Variants in ARHGAP42 observed in about 807,000 individuals in gnomAD.
ARHGAP42 encodes the protein rho GTPase-activating protein 42.
ARHGAP42 carries 63 observed loss-of-function variants against 125.0 expected under a neutral mutation model. The observed-to-expected ratio is 0.50, with a 90% confidence interval of 0.41 to 0.62. The LOEUF is 0.62. Among genes scored for constraint, ARHGAP42 ranks in the 20% least tolerant of loss-of-function variants. ARHGAP42 has a pLI of 0.00. For synonymous variants in ARHGAP42, 339 were observed against 351.0 expected (o/e 0.97, Z 0.38); for missense variants, 766 against 1,024.2 (o/e 0.75, Z 3.44).
chr11:100,786,093 T>C (rs1377459773), intron 2 of ARHGAP42, among the ~76,000 whole-genome samples: 1 of 152,194 alleles, frequency 6.6e-6, no homozygotes, highest in Non-Finnish European at 1.5e-5. Context: ...GTAATGTCAC[T>C]GCCTCTTGGT....
At chr11:100,933,365 C>G (rs1272521771) in intron 7 of ARHGAP42, 105 bp downstream of exon 7, 1 of 691,548 alleles carries the variant, frequency 1.4e-6, no homozygotes, top group African/African-American at 1.9e-5. Context: ...AAATACAACC[C>G]ACAAAACCCT....
intron 4 of ARHGAP42, among the ~76,000 whole-genome samples, chr11:100,889,004 T>C (rs1866158492): frequency 6.6e-6 from 1 of 152,230 alleles, no homozygotes; most frequent in African/African-American, 2.4e-5. Context: ...TATTGTACTC[T>C]GTACTTCACA....
At chr11:100,876,647 A>G (rs187707586) in intron 4 of ARHGAP42, among the ~76,000 whole-genome samples, 6 of 152,348 alleles carry the variant, frequency 3.9e-5, no homozygotes, top group Middle Eastern at 3.4e-3. Flanking sequence ...GTTAGCCAAC[A>G]TTATTGAAAT....
At chr11:100,792,462 A>AT (rs1863588330) in intron 2 of ARHGAP42, among the ~76,000 whole-genome samples, 1 of 151,954 alleles carries the variant, frequency 6.6e-6, no homozygotes. Context: ...ATTTCTTGTA[A>AT]TTTTTTCAAG....
chr11:100,807,238 C>T (rs1313886185), intron 3 of ARHGAP42, among the ~76,000 whole-genome samples: 1 of 151,812 alleles, frequency 6.6e-6, no homozygotes, highest in East Asian at 1.9e-4. Context: ...TCTTGTTGCC[C>T]AGGCTGGAGT....
intron 3 of ARHGAP42, among the ~76,000 whole-genome samples, chr11:100,804,490 A>G (rs1450680116): frequency 6.6e-6 from 1 of 151,936 alleles, no homozygotes; most frequent in Non-Finnish European, 1.5e-5. Context: ...TAAAGTTAAT[A>G]AAGATTAATG....
At chr11:100,973,760 A>G (rs1463301263) in intron 18 of ARHGAP42, among the ~76,000 whole-genome samples, 1 of 152,194 alleles carries the variant, frequency 6.6e-6, no homozygotes, top group Non-Finnish European at 1.5e-5. Flanking sequence ...TTCTTGAAAA[A>G]AGTGAGATCT....
At position 100,729,962 on chromosome 11, in the gene ARHGAP42, C is replaced by G. The variant is rs1009344274; in HGVS notation, c.155-40381C>G. On this transcript the variant is annotated intron_variant, in intron 1 of 23. Coordinates refer to ENST00000298815, the MANE Select transcript of ARHGAP42 (RefSeq NM_152432.4). ...AGTTGCTGGGATTACAGGCACCCACCACCACACCTGGCTAATTTTTGTATT... is the reference window on the plus strand; with the variant it reads ...AGTTGCTGGGATTACAGGCACCCACGACCACACCTGGCTAATTTTTGTATT... Among the ~76,000 whole-genome samples the G allele has an allele frequency of 7.2e-5, 11 of 151,872 alleles. 1 individual carries two copies. Among genetic ancestry groups the G allele is most frequent in the African/African-American group, 1.9e-4 (8 of 41,334 alleles).
At chr11:100,935,673 C>G (rs1312927886) in intron 7 of ARHGAP42, among the ~76,000 whole-genome samples, 13 of 122,050 alleles carry the variant, frequency 1.1e-4, no homozygotes, top group East Asian at 2.2e-4. Flanking sequence ...CACACACACA[C>G]ACACAGAGAG....
chr11:100,712,536 C>A (rs570417226), intron 1 of ARHGAP42, among the ~76,000 whole-genome samples: 2 of 152,262 alleles, frequency 1.3e-5, no homozygotes, highest in African/African-American at 2.4e-5. Context: ...CTTCTCCCCC[C>A]AGAAGTGGGA....
At chr11:100,867,758 C>T (rs2135153329) in intron 4 of ARHGAP42, among the ~76,000 whole-genome samples, 1 of 152,332 alleles carries the variant, frequency 6.6e-6, no homozygotes, top group South Asian at 2.1e-4. Context: ...AGCTCTTAGC[C>T]TCTGTCAGCT....
chr11:100,781,913 A>C lies in ARHGAP42; in HGVS notation c.250+11475A>C, dbSNP rs145907753. 4.4e-3 allele frequency among the ~76,000 whole-genome samples: 659 copies of C among 150,940 alleles called. 3 individuals carry two copies. Among genetic ancestry groups the C allele is most frequent in the African/African-American group, 0.015 (629 of 41,242 alleles). ...AAGGAGTAACTGACCTCTGAGGCACACTGGCTGCACCACCACGAGATTTTT... is the reference window on the plus strand; with the variant it reads ...AAGGAGTAACTGACCTCTGAGGCACCCTGGCTGCACCACCACGAGATTTTT... On this transcript the variant is annotated intron_variant, in intron 2 of 23. Coordinates refer to ENST00000298815, the MANE Select transcript of ARHGAP42 (RefSeq NM_152432.4).
At chr11:100,865,777 G>T (rs6590824) in intron 4 of ARHGAP42, among the ~76,000 whole-genome samples, 67,783 of 151,896 alleles carry the variant, frequency 0.45, 15,563 homozygotes, top group East Asian at 0.68. Context: ...TACTAAAATA[G>T]GCTAACAATT....
At position 100,687,537 on chromosome 11, in the gene ARHGAP42, T is replaced by C. The variant is rs1861104080; in HGVS notation, c.-142T>C. The C allele has an allele frequency of 1.9e-6, 1 of 536,522 alleles. No homozygotes were observed. Among genetic ancestry groups the C allele is most frequent in the African/African-American group, 2.0e-5 (1 of 49,260 alleles). 33.2% of individuals were successfully genotyped at this position (536,522 alleles called of 1,614,324 possible). ...AGGCGGCGCGGCGCTCGGGGCCCGT[T>C]TCCTCCGCGCAATCAGTCCCCTCGC... On this transcript the variant is annotated 5_prime_UTR_variant, in exon 1 of 24. Transcript: ENST00000298815.
intron 12 of ARHGAP42, among the ~76,000 whole-genome samples, chr11:100,956,442 T>A (rs989026445): frequency 7.9e-5 from 12 of 152,152 alleles, no homozygotes; most frequent in African/African-American, 2.9e-4. Flanking sequence ...AGCCTCCCTT[T>A]GTATCATTGC....
intron 1 of ARHGAP42, among the ~76,000 whole-genome samples, chr11:100,725,382 G>T (rs558067926): frequency 6.6e-6 from 1 of 151,608 alleles, no homozygotes; most frequent in African/African-American, 2.4e-5. Context: ...TGTTGGTCAG[G>T]CTGGTCTTGA....
intron 7 of ARHGAP42, among the ~76,000 whole-genome samples, chr11:100,935,711 T>C (rs905154066): frequency 1.3e-5 from 2 of 150,120 alleles, no homozygotes; most frequent in African/African-American, 4.9e-5. Context: ...AAGAGAAACA[T>C]GCAGAAGGTC....
At chr11:100,725,369 C>A (rs776053347) in intron 1 of ARHGAP42, among the ~76,000 whole-genome samples, 1 of 151,740 alleles carries the variant, frequency 6.6e-6, no homozygotes, top group Non-Finnish European at 1.5e-5. Flanking sequence ...TGGGGTTTCA[C>A]CATGTTGGTC....
rs17654410 is a variant in ARHGAP42 at position 100,993,415 on chromosome 11, C to T, written c.*4614C>T. 0.1 allele frequency: 17,120 copies of T among 166,928 alleles called. 1,249 individuals are homozygous for T. The highest frequency in any genetic ancestry group is 0.13 in the Non-Finnish European group (8,656 of 68,068). The allele number at this position is 166,928 out of a possible 1,614,324, so 10.3% of individuals were successfully genotyped here. ...CTGCCCGTGTACCCTCAACTGCCTC[C>T]TTTTTGCAGAGAACGATCCCCACAG... On this transcript the variant is annotated 3_prime_UTR_variant, in exon 24 of 24. Coordinates refer to ENST00000298815, the MANE Select transcript of ARHGAP42 (RefSeq NM_152432.4).
Sources: allele counts gnomAD v4.1 joint callset (sites outside exome capture counted in the v4.1 genomes callset), GRCh38; gene constraint gnomAD v4.1.1; transcripts MANE v1.5; gene names NCBI Gene and HGNC (gene_info 2026-07-23, HGNC 2026-07-21).